RNF130: variants seen among roughly 807,000 people sequenced by gnomAD.
RNF130 encodes the protein E3 ubiquitin-protein ligase RNF130.
RNF130 carries 21 observed loss-of-function variants against 44.6 expected under a neutral mutation model. That is an observed-to-expected ratio of 0.47 (90% CI 0.33 to 0.68). The LOEUF (loss-of-function observed/expected upper bound fraction) is 0.68, where lower values mean the gene tolerates loss of function less well. RNF130 is among the 30% of genes least tolerant of loss of function. The pLI is 0.02. For missense variants in RNF130, 479 were observed against 560.6 expected, an observed-to-expected ratio of 0.85 and a Z score of 1.47; for synonymous variants, 214 against 210.4, an observed-to-expected ratio of 1.02 and a Z score of -0.15.
Position 180,071,505 on chromosome 5 carries a change from G to T in RNF130, c.198C>A (p.Pro66=). 1 of 1,319,896 alleles carries T rather than the reference G, an allele frequency of 7.6e-7. No homozygotes were observed. 81.8% of individuals were successfully genotyped at this position (1,319,896 alleles called of 1,614,324 possible). The change falls in exon 1 of 9, where the codon CCC becomes CCA. Residue 66 remains proline (P), a synonymous_variant. Coordinates refer to ENST00000521389, the MANE Select transcript of RNF130 (RefSeq NM_018434.6). ...IDRGRYGLDS[P]KAEVRGQVLA... ...GCACCTGGCCGCGGACCTCGGCCTTGGGGGAGTCAAGCCCGTAGCGCCCGC... is the reference window on the plus strand; with the variant it reads ...GCACCTGGCCGCGGACCTCGGCCTTTGGGGAGTCAAGCCCGTAGCGCCCGC...
At chr5:179,956,590 C>G (rs1371101815) in intron 8 of RNF130, 1 of 152,984 alleles carries the variant, frequency 6.5e-6, no homozygotes, top group Admixed American at 6.5e-5. Context: ...CCACCACCTA[C>G]AGCAGACACA....
At chr5:179,941,463 G>A (rs1761967816) in intron 7 of RNF130, among the ~76,000 whole-genome samples, 1 of 152,202 alleles carries the variant, frequency 6.6e-6, no homozygotes, top group Admixed American at 6.5e-5. Context: ...CCCAATGGAA[G>A]GCCTGGGATG....
chr5:179,991,094 T>C (rs1763072139), intron 3 of RNF130, among the ~76,000 whole-genome samples: 1 of 152,200 alleles, frequency 6.6e-6, no homozygotes. Flanking sequence ...ATTTTTCTCC[T>C]TTTAGCACTT....
chr5:179,976,988 A>C (rs1038724602), intron 5 of RNF130: 4 of 152,258 alleles, frequency 2.6e-5, no homozygotes, highest in Non-Finnish European at 5.9e-5. Context: ...AGGAGAAACC[A>C]ACATGCTGTT....
intron 1 of RNF130, among the ~76,000 whole-genome samples, chr5:180,070,987 C>A (rs1048368749): frequency 1.3e-5 from 2 of 151,696 alleles, no homozygotes; most frequent in East Asian, 1.9e-4. Flanking sequence ...TTACACCCCC[C>A]CCCCAATTTA....
exon 8 of RNF130, chr5:179,912,590 G>A (rs1194812346): frequency 6.6e-6 from 1 of 152,236 alleles, no homozygotes; most frequent in Non-Finnish European, 1.5e-5. Flanking sequence ...CTCAGCAGAG[G>A]TGCCAGGACC....
At chr5:179,970,915 T>C (rs1470325228) in intron 5 of RNF130, among the ~76,000 whole-genome samples, 1 of 152,256 alleles carries the variant, frequency 6.6e-6, no homozygotes, top group Non-Finnish European at 1.5e-5. Flanking sequence ...CTCTGTATAG[T>C]GATTAGTTTT....
At chr5:180,069,131 A>G (rs1045092676) in intron 1 of RNF130, among the ~76,000 whole-genome samples, 1 of 152,364 alleles carries the variant, frequency 6.6e-6, no homozygotes, top group African/African-American at 2.4e-5. Flanking sequence ...CTAAGTTCCT[A>G]CTGCAACAGC....
intron 7 of RNF130, among the ~76,000 whole-genome samples, chr5:179,930,328 T>C (rs1320339019): frequency 6.6e-6 from 1 of 152,202 alleles, no homozygotes; most frequent in Non-Finnish European, 1.5e-5. Context: ...AGTGCTAGGA[T>C]TACAGGCATG....
At chr5:179,995,160 G>A (rs1763174594) in intron 3 of RNF130, among the ~76,000 whole-genome samples, 1 of 152,068 alleles carries the variant, frequency 6.6e-6, no homozygotes, top group Admixed American at 6.6e-5. Flanking sequence ...GAAGGCAAGG[G>A]CAAACCCATT....
intron 1 of RNF130, among the ~76,000 whole-genome samples, chr5:180,042,118 C>G (rs1196608563): frequency 6.6e-6 from 1 of 152,180 alleles, no homozygotes; most frequent in African/African-American, 2.4e-5. Flanking sequence ...TGTTGGCTTT[C>G]TACACACCTG....
At chr5:179,988,013 T>C (rs536086357) in intron 3 of RNF130, among the ~76,000 whole-genome samples, 1 of 152,150 alleles carries the variant, frequency 6.6e-6, no homozygotes, top group Non-Finnish European at 1.5e-5. Context: ...TCTTCTTTCA[T>C]TTTTTGAAAT....
intron 4 of RNF130, 39 bp downstream of exon 4, chr5:179,980,090 G>C (rs1305106400): frequency 1.3e-6 from 2 of 1,573,350 alleles, no homozygotes; most frequent in Non-Finnish European, 1.7e-6. Context: ...AAAACTGCTG[G>C]ATTACTTTTA....
In RNF130 at chr5:179,980,356, GTA is replaced by G. The variant is rs1762804189; in HGVS notation, c.694-158_694-157del. 2.5e-5 allele frequency: 16 copies of G among 631,218 alleles called. 1 individual carries two copies. The Middle Eastern group carries it at 1.3e-3, about 51-fold the overall frequency. The allele number at this position is 631,218 out of a possible 1,614,324, so 39.1% of individuals were successfully genotyped here. A position where few individuals can be genotyped will look rare whatever the true frequency, so the allele number is the denominator to read the frequency against. On this transcript the variant is annotated intron_variant, in intron 3 of 8. Transcript: ENST00000521389. ...TGATAAAATAGAAAAAATGGTGGCT[GTA>G]TCAAGATTCAGCATTCTGGTTGAAA...
chr5:179,915,926 C>G (rs549032848), exon 8 of RNF130: 1 of 152,200 alleles, frequency 6.6e-6, no homozygotes, highest in Non-Finnish European at 1.5e-5. Context: ...TGCTTGATAA[C>G]GTGCCCATGA....
intron 1 of RNF130, among the ~76,000 whole-genome samples, chr5:180,045,323 C>A (rs1020332291): frequency 1.3e-5 from 2 of 152,198 alleles, no homozygotes; most frequent in Admixed American, 6.5e-5. Context: ...CGCGGACCCT[C>A]ACGGTGTTAC....
Position 179,937,925 on chromosome 5 carries a change from TGTGTGTGTGA to T in RNF130, c.1151-17509_1151-17500del, listed in dbSNP as rs1218996088. Among the ~76,000 whole-genome samples the T allele has an allele frequency of 2.1e-4, 28 of 136,326 alleles. No homozygotes were observed. The East Asian group carries it at 2.9e-3, about 14-fold the overall frequency. The allele number at this position is 136,326 out of a possible 152,430, so 89.4% of individuals were successfully genotyped here. On this transcript the variant is annotated intron_variant, in intron 7 of 7. Transcript: ENST00000522208. The stretch of plus-strand genomic sequence containing the variant: ...GAATCTGTGTGTGTGTGTGTGTGTG[TGTGTGTGTGA>T]GAGAGAGAGAGAGAGAGAGAGAGAG...
intron 7 of RNF130, among the ~76,000 whole-genome samples, chr5:179,946,463 A>C (rs1021719797): frequency 6.6e-6 from 1 of 152,270 alleles, no homozygotes; most frequent in Non-Finnish European, 1.5e-5. Context: ...AAGGTAAAGA[A>C]ACAAGAGTAA....
chr5:180,065,374 T>C (rs983392101), intron 1 of RNF130, among the ~76,000 whole-genome samples: 1 of 152,196 alleles, frequency 6.6e-6, no homozygotes, highest in Non-Finnish European at 1.5e-5. Context: ...TAGTTCACAA[T>C]GTTCCCGTTT....
Sources: allele counts gnomAD v4.1 joint callset (sites outside exome capture counted in the v4.1 genomes callset), GRCh38; gene constraint gnomAD v4.1.1; transcripts MANE v1.5; gene names NCBI Gene and HGNC (gene_info 2026-07-23, HGNC 2026-07-21).